The following RALA variants were observed in gnomAD, a reference collection of about 807,000 sequenced individuals.
RALA encodes the protein RAS like proto-oncogene A.
In RALA, 5 loss-of-function variants were observed where a neutral mutation model predicts 24.0. The observed-to-expected ratio is 0.21, with a 90% CI of 0.11 to 0.44. The LOEUF is 0.44. Among genes scored for constraint, RALA ranks in the 20% least tolerant of loss-of-function variants. The pLI, the probability that RALA is intolerant of heterozygous loss-of-function variation, is 0.99. For synonymous variants in RALA, 77 were observed against 83.8 expected (o/e 0.92, Z 0.44); for missense variants, 95 against 241.2 (o/e 0.39, Z 4.01).
chr7:39,691,665 A>C (rs889739644), intron 3 of RALA, among the ~76,000 whole-genome samples: 11 of 152,238 alleles, frequency 7.2e-5, no homozygotes, highest in African/African-American at 2.7e-4. Context: ...TCAAGAACTT[A>C]TTCTAAGAGA....
At chr7:39,651,906 A>G (rs1002447109) in intron 1 of RALA, among the ~76,000 whole-genome samples, 23 of 152,210 alleles carry the variant, frequency 1.5e-4, no homozygotes, top group Admixed American at 1.4e-3. Context: ...GTTACAATAA[A>G]TATTCTTATC....
chr7:39,675,514 T>C (rs1792468446), intron 1 of RALA, among the ~76,000 whole-genome samples: 1 of 152,110 alleles, frequency 6.6e-6, no homozygotes, highest in Non-Finnish European at 1.5e-5. Context: ...GGAGGATCGC[T>C]CGAGCCCAGG....
At chr7:39,677,454 T>C (rs1476144284) in intron 1 of RALA, among the ~76,000 whole-genome samples, 6 of 120,636 alleles carry the variant, frequency 5.0e-5, no homozygotes, top group Non-Finnish European at 6.8e-5. Context: ...CAGTCTATCA[T>C]TGTTGGACAT....
chr7:39,690,948 CT>C (rs1424439743), intron 3 of RALA, among the ~76,000 whole-genome samples: 13 of 152,294 alleles, frequency 8.5e-5, no homozygotes, highest in Non-Finnish European at 2.9e-5. Context: ...GGTTTTACAT[CT>C]TTCTCTGTTA....
intron 1 of RALA, among the ~76,000 whole-genome samples, chr7:39,638,906 A>G (rs901611677): frequency 1.3e-5 from 2 of 152,178 alleles, no homozygotes; most frequent in Non-Finnish European, 2.9e-5. Context: ...ATTGGGTTGT[A>G]TGGTACATTT....
At chr7:39,671,617 T>G (rs1792389484) in intron 1 of RALA, among the ~76,000 whole-genome samples, 1 of 152,222 alleles carries the variant, frequency 6.6e-6, no homozygotes, top group South Asian at 2.1e-4. Flanking sequence ...AACTCGACCC[T>G]TCATTATGTT....
Position 39,702,959 on chromosome 7 carries a change from A to G in RALA, c.499-3164A>G, listed in dbSNP as rs145393962. 3.9e-5 allele frequency: 6 copies of G among 152,364 alleles called. No homozygotes were observed. The East Asian group carries it at 1.2e-3, about 29-fold the overall frequency. The allele number at this position is 152,364 out of a possible 1,614,324, so 9.4% of individuals were successfully genotyped here. A position where few individuals can be genotyped will look rare whatever the true frequency, so the allele number is the denominator to read the frequency against. ...CTATTGTAGATGACTATACTTAACA[A>G]TAATGTATAGTTTCAAATACCTGAA... On this transcript the variant is annotated intron_variant, in intron 4 of 4. Transcript: ENST00000005257.
intron 1 of RALA, among the ~76,000 whole-genome samples, chr7:39,683,970 T>TG (rs1216976180): frequency 6.6e-6 from 1 of 152,202 alleles, no homozygotes; most frequent in Admixed American, 6.5e-5. Flanking sequence ...GTGACATGAT[T>TG]ATAACTGCCA....
intron 1 of RALA, among the ~76,000 whole-genome samples, chr7:39,666,654 T>TC (rs1191166848): frequency 3.3e-5 from 5 of 152,330 alleles, no homozygotes; most frequent in African/African-American, 7.2e-5. Context: ...AAGTCAGAAT[T>TC]TAAGAGATTA....
At chr7:39,625,085 C>T (rs1359165763) in intron 1 of RALA, among the ~76,000 whole-genome samples, 2 of 152,158 alleles carry the variant, frequency 1.3e-5, no homozygotes, top group Middle Eastern at 3.2e-3. Context: ...TGCAGTATGC[C>T]TTGAACATAG....
At chr7:39,661,749 G>A (rs955940397) in intron 1 of RALA, among the ~76,000 whole-genome samples, 2 of 152,222 alleles carry the variant, frequency 1.3e-5, no homozygotes, top group Non-Finnish European at 2.9e-5. Flanking sequence ...CAAGCTGTCA[G>A]TGGATTTACC....
At chr7:39,640,237 G>A (rs930121446) in intron 1 of RALA, among the ~76,000 whole-genome samples, 10 of 152,236 alleles carry the variant, frequency 6.6e-5, no homozygotes, top group East Asian at 3.9e-4. Context: ...GGATTTTGCC[G>A]TGTTGCCCAG....
chr7:39,628,929 A>G (rs1296760246), intron 1 of RALA, among the ~76,000 whole-genome samples: 3 of 152,234 alleles, frequency 2.0e-5, no homozygotes, highest in Non-Finnish European at 4.4e-5. Context: ...TAGCTGTGTG[A>G]AAAGATAAAA....
chr7:39,633,759 T>C lies in RALA; in HGVS notation c.-38+9934T>C, dbSNP rs1481731986. ...CTTTGAGGCAGTTCTTTCTCCAGGTTTTATTTATGCGAATCCACTCATCTG... is the reference window on the plus strand; with the variant it reads ...CTTTGAGGCAGTTCTTTCTCCAGGTCTTATTTATGCGAATCCACTCATCTG... On this transcript the variant is annotated intron_variant, in intron 1 of 4. Coordinates refer to ENST00000005257, the MANE Select transcript of RALA (RefSeq NM_005402.4). Among the ~76,000 whole-genome samples, 8 of 152,280 alleles carry C rather than the reference T, an allele frequency of 5.3e-5. No homozygotes were observed. In the East Asian group the frequency reaches 1.2e-3, roughly 22 times the overall value.
intron 1 of RALA, among the ~76,000 whole-genome samples, chr7:39,670,290 C>T (rs188417686): frequency 4.6e-5 from 7 of 152,100 alleles, no homozygotes; most frequent in African/African-American, 9.7e-5. Flanking sequence ...GGACTACGGG[C>T]GTGTGCCACC....
intron 3 of RALA, among the ~76,000 whole-genome samples, chr7:39,693,996 TC>T (rs1792875188): frequency 6.6e-6 from 1 of 152,220 alleles, no homozygotes; most frequent in Non-Finnish European, 1.5e-5. Context: ...TCGTGAGTAA[TC>T]AAGTGAATGA....
At chr7:39,636,700 T>C (rs183861044) in intron 1 of RALA, among the ~76,000 whole-genome samples, 1 of 152,310 alleles carries the variant, frequency 6.6e-6, no homozygotes, top group Admixed American at 6.5e-5. Context: ...TGAGACTGGG[T>C]AATTTATGAA....
chr7:39,673,547 ATATT>A (rs1792425355), intron 1 of RALA, among the ~76,000 whole-genome samples: 1 of 152,084 alleles, frequency 6.6e-6, no homozygotes, highest in Non-Finnish European at 1.5e-5. Flanking sequence ...CTTTCATTAT[ATATT>A]CTGTCATTTG....
intron 1 of RALA, among the ~76,000 whole-genome samples, chr7:39,676,208 C>T (rs187946380): frequency 7.2e-5 from 11 of 152,278 alleles, no homozygotes; most frequent in Non-Finnish European, 1.6e-4. Flanking sequence ...ATCTCCTGAC[C>T]TGGTGATCTG....
Sources: gnomAD v4.1 joint callset for allele counts (sites outside exome capture counted in the v4.1 genomes callset) on GRCh38, gnomAD v4.1.1 for gene constraint, MANE v1.5 for transcripts, NCBI Gene and HGNC (gene_info 2026-07-23, HGNC 2026-07-21) for gene names.